Variants in LARP1 observed in about 807,000 individuals in gnomAD.
The protein encoded by LARP1 is la-related protein 1.
In LARP1, 36 loss-of-function variants were observed where a neutral mutation model predicts 122.7. That is an observed-to-expected ratio of 0.29 (90% CI 0.22 to 0.39). The LOEUF is 0.39. Among genes scored for constraint, LARP1 ranks in the 10% least tolerant of loss-of-function variants. LARP1 has a pLI of 1.00. For synonymous variants in LARP1, 539 were observed against 528.7 expected, an observed-to-expected ratio of 1.02 and a Z score of -0.27; for missense variants, 1,040 against 1,403.6, an observed-to-expected ratio of 0.74 and a Z score of 4.14.
In LARP1 at chr5:154,739,221, C is replaced by T. The variant is rs562393266; in HGVS notation, c.205+26091C>T. Among the ~76,000 whole-genome samples the T allele has an allele frequency of 8.0e-4, 121 of 152,144 alleles. 1 individual carries two copies. The South Asian group carries it at 0.016, about 20-fold the overall frequency. ...TTTTTTAGTAGAGACGGGGTTTCAC[C>T]GTGTTAGCCAGGATGGTCTCGATCT... On this transcript the variant is annotated intron_variant, in intron 1 of 18. Transcript: ENST00000336314.
At position 154,807,723 on chromosome 5, in the gene LARP1, A is replaced by G. The variant is rs1487249155; in HGVS notation, c.2699-736A>G. ...GCTCCACCATACCAATCTAATTACT[A>G]AAAGTTTTCTGTAGAGACAGGGGTC... is the stretch of plus-strand genomic sequence containing the variant. On this transcript the variant is annotated intron_variant, in intron 15 of 18. Coordinates refer to ENST00000518297, the MANE Select transcript of LARP1 (RefSeq NM_033551.3). Among the ~76,000 whole-genome samples, 5 of 151,946 alleles carry G rather than the reference A, an allele frequency of 3.3e-5. No individual in the cohort carries two copies. The East Asian group carries it at 7.7e-4, about 23-fold the overall frequency.
intron 1 of LARP1, chr5:154,786,650 A>G (rs555323332): frequency 3.0e-6 from 1 of 336,982 alleles, no homozygotes; most frequent in African/African-American, 2.2e-5. Flanking sequence ...CTAAGATTAC[A>G]CTAAGAAGGC....
chr5:154,773,040 G>T (rs1012278586), intron 1 of LARP1, among the ~76,000 whole-genome samples: 21 of 142,142 alleles, frequency 1.5e-4, no homozygotes, highest in Non-Finnish European at 2.3e-4. Flanking sequence ...AGTTACTGTT[G>T]GGACAACTGG....
chr5:154,688,486 T>G (rs1484497167), intron 1 of LARP1, among the ~76,000 whole-genome samples: 1 of 151,470 alleles, frequency 6.6e-6, no homozygotes, highest in African/African-American at 2.4e-5. Context: ...CCTGTCTCTT[T>G]CTGGCTAAAA....
In LARP1 at chr5:154,800,049, G is replaced by A. The variant is rs771570772; in HGVS notation, c.1716+7G>A. 9.3e-6 allele frequency: 15 copies of A among 1,612,438 alleles called. 1 individual carries two copies. The South Asian group carries it at 1.5e-4, about 17-fold the overall frequency. On this transcript the variant is annotated splice_region_variant and intron_variant, in intron 10 of 18. Transcript: ENST00000518297. ...ATCCCCAGCACGGCCCAAGGTGGGT[G>A]AGGCCTTGTCCCTTGCCTTGGTTCT...
At chr5:154,702,523 T>A (rs963201881) in intron 1 of LARP1, among the ~76,000 whole-genome samples, 1 of 147,958 alleles carries the variant, frequency 6.8e-6, no homozygotes, top group Admixed American at 6.9e-5. Flanking sequence ...GCCATTGCAC[T>A]CCAGCCTGGG....
Position 154,811,578 on chromosome 5 carries a change from A to G in LARP1, c.3019A>G (p.Ile1007Val). 6.2e-7 allele frequency: 1 copy of G among 1,614,216 alleles called. No homozygotes were observed. Among genetic ancestry groups the G allele is most frequent in the Non-Finnish European group, 8.5e-7 (1 of 1,180,030 alleles). The change falls in exon 18 of 19, where the codon ATT (isoleucine) becomes GTT (valine). Residue 1007 changes from isoleucine to valine, a missense_variant. Ile to Val is a conservative substitution (Grantham distance 29). Transcript: ENST00000518297. ...LKYSKAKNLD[I>V]DPKLQEYLGK... is the part of the protein sequence containing the mutation. ...ATATTCCAAAGCCAAAAATTTGGACATTGACCCCAAACTGCAAGAATACCT... is the reference window on the plus strand; with the variant it reads ...ATATTCCAAAGCCAAAAATTTGGACGTTGACCCCAAACTGCAAGAATACCT...
upstream of LARP1, among the ~76,000 whole-genome samples, chr5:154,712,712 T>C (rs1277149516): frequency 2.0e-5 from 3 of 152,154 alleles, no homozygotes; most frequent in African/African-American, 7.2e-5. Flanking sequence ...TCTCTGCCTC[T>C]AGCCTAGCTG....
chr5:154,712,980 G>T lies in LARP1; in HGVS notation c.55G>T (p.Asp19Tyr), dbSNP rs745535126. 3.1e-6 allele frequency: 5 copies of T among 1,614,182 alleles called. No homozygotes were observed. The South Asian group carries it at 5.5e-5, about 18-fold the overall frequency. ...GCCTCCTTTCCCTCACCCAGAGCTG[G>T]ATTTCCAAGAGGCTCCCATACCTAG... Residue 19 changes from aspartate to tyrosine, a missense_variant, in exon 1 of 19, where the codon GAT (aspartate) becomes TAT (tyrosine). Coordinates refer to the LARP1 transcript ENST00000336314.
At chr5:154,797,413 A>C (rs573868577) in intron 8 of LARP1, among the ~76,000 whole-genome samples, 11 of 151,240 alleles carry the variant, frequency 7.3e-5, no homozygotes, top group Non-Finnish European at 1.5e-4. Flanking sequence ...TTGTATTTCT[A>C]GTAGAGATGG....
At chr5:154,747,032 GAGGC>G (rs1753228531) in intron 1 of LARP1, among the ~76,000 whole-genome samples, 1 of 152,164 alleles carries the variant, frequency 6.6e-6, no homozygotes, top group Non-Finnish European at 1.5e-5. Flanking sequence ...TCGGGAGGCT[GAGGC>G]AGAGAATTGC....
Position 154,687,863 on chromosome 5 carries a change from G to C in LARP1, c.-180+4826G>C, listed in dbSNP as rs147730412. ...CAGCTCTGCCTCTTGTCAGGGCCTG[G>C]AGTCCTGGGTGAATCCTGCAGGTTT... On this transcript the variant is annotated intron_variant, in intron 1 of 18. Transcript: ENST00000687700. Among the ~76,000 whole-genome samples the C allele has an allele frequency of 5.4e-3, 821 of 152,298 alleles. 11 individuals carry two copies. Among genetic ancestry groups the C allele is most frequent in the South Asian group, 0.036 (173 of 4,824 alleles).
chr5:154,799,807 T>C, intron 9 of LARP1, 48 bp downstream of exon 9: 1 of 1,611,782 alleles, frequency 6.2e-7, no homozygotes, highest in African/African-American at 1.3e-5. Context: ...TGGGCAACAG[T>C]CCTCCTCAGG....
chr5:154,779,778 GATTACAGGCATGAGCC>G (rs1229863882), intron 1 of LARP1, among the ~76,000 whole-genome samples: 1 of 152,134 alleles, frequency 6.6e-6, no homozygotes, highest in Non-Finnish European at 1.5e-5. Context: ...AAAGTGCTGA[GATTACAGGCATGAGCC>G]ACTGTGCCCA....
At chr5:154,797,453 G>A (rs1345859024) in intron 8 of LARP1, among the ~76,000 whole-genome samples, 1 of 151,604 alleles carries the variant, frequency 6.6e-6, no homozygotes, top group Non-Finnish European at 1.5e-5. Context: ...GGTTGGTCTC[G>A]AACTCCTGAC....
At chr5:154,774,994 G>C (rs559138323) in intron 1 of LARP1, among the ~76,000 whole-genome samples, 3 of 152,090 alleles carry the variant, frequency 2.0e-5, no homozygotes, top group Admixed American at 6.6e-5. Flanking sequence ...TTGAATGGTC[G>C]GTGCTGCCAG....
intron 1 of LARP1, among the ~76,000 whole-genome samples, chr5:154,769,427 G>A (rs954193022): frequency 3.3e-5 from 5 of 152,246 alleles, no homozygotes; most frequent in African/African-American, 1.2e-4. Flanking sequence ...AGCTCACAGA[G>A]GAACATCCTC....
At chr5:154,712,780 G>A (rs369842700), upstream of LARP1, 2,157 of 668,092 alleles carry the variant, frequency 3.2e-3, 58 homozygotes, top group South Asian at 0.038. Flanking sequence ...AGCTGCCGTC[G>A]CTCTCTTAAA....
At chr5:154,773,587 G>A (rs1478430144) in intron 1 of LARP1, among the ~76,000 whole-genome samples, 2 of 152,182 alleles carry the variant, frequency 1.3e-5, no homozygotes, top group East Asian at 1.9e-4. Context: ...ATACTTAACC[G>A]AGCTGCCACG....
Sources: gnomAD v4.1 joint callset for allele counts (sites outside exome capture counted in the v4.1 genomes callset) on GRCh38, gnomAD v4.1.1 for gene constraint, MANE v1.5 for transcripts, NCBI Gene and HGNC (gene_info 2026-07-23, HGNC 2026-07-21) for gene names.